Variants in GALNT10 observed in about 807,000 individuals in gnomAD.
GALNT10 encodes GalNAc transferase 10.
GALNT10 carries 41 observed loss-of-function variants against 75.0 expected under a neutral mutation model. That is an observed-to-expected ratio of 0.55 (90% CI 0.43 to 0.71). The LOEUF is 0.71. GALNT10 is among the 30% of genes least tolerant of loss of function. GALNT10 has a pLI of 0.00. For synonymous variants in GALNT10, 302 were observed against 313.0 expected (o/e 0.96, Z 0.37); for missense variants, 727 against 818.5 (o/e 0.89, Z 1.36).
intron 1 of GALNT10, among the ~76,000 whole-genome samples, chr5:154,212,103 G>A (rs931373922): frequency 1.3e-5 from 2 of 152,142 alleles, no homozygotes; most frequent in Admixed American, 6.5e-5. Flanking sequence ...CCCTCCAGAA[G>A]TTTACATCAT....
At position 154,298,070 on chromosome 5, in the gene GALNT10, G is replaced by A. The variant is rs756983564; in HGVS notation, c.392G>A (p.Arg131Gln). Residue 131 changes from arginine (R) to glutamine (Q), a missense_variant, in exon 3 of 12, where the codon CGG (arginine) becomes CAG (glutamine). Coordinates refer to ENST00000297107, the MANE Select transcript of GALNT10 (RefSeq NM_198321.4). This position sits in a 1 kb window ranked among gnomAD's most constrained non-coding sequence, Gnocchi z 4.1. The stretch of plus-strand genomic sequence containing the variant: ...TTGAATCGCTCTCTCCCAGATATCC[G>A]GCACCCAAAGTGAGTGTAACATCTC... The part of the protein sequence containing the change: ...ISLNRSLPDI[R>Q]HPNCNSKRYL... 11 of 1,612,132 alleles carry A rather than the reference G, an allele frequency of 6.8e-6. No homozygotes were observed. Among genetic ancestry groups the A allele is most frequent in the Admixed American group, 3.3e-5 (2 of 59,792 alleles).
intron 7 of GALNT10, among the ~76,000 whole-genome samples, chr5:154,390,469 C>A (rs1030814653): frequency 6.6e-5 from 10 of 152,340 alleles, no homozygotes; most frequent in Middle Eastern, 3.4e-3. Flanking sequence ...TAAAATACTA[C>A]GTTGGAGGAG....
rs1289585286 is a variant in GALNT10 at position 154,409,774 on chromosome 5, G to A, written c.1386+12G>A. ...CAGCTTGGGGGGAGGTGAGTCTGGA[G>A]GGCAGGGCTGGCTCCATAATTTAAT... On this transcript the variant is annotated intron_variant, in intron 9 of 11. Transcript: ENST00000297107. The surrounding 1 kb of genome is among the most constrained non-coding windows in gnomAD (Gnocchi z 4.5). 2 of 1,566,766 alleles carry A rather than the reference G, an allele frequency of 1.3e-6. No homozygotes were observed. Among genetic ancestry groups the A allele is most frequent in the Admixed American group, 1.7e-5 (1 of 59,954 alleles).
chr5:154,264,448 A>G (rs1194281043), intron 1 of GALNT10, among the ~76,000 whole-genome samples: 1 of 152,194 alleles, frequency 6.6e-6, no homozygotes, highest in African/African-American at 2.4e-5. Flanking sequence ...CGACAGATGC[A>G]TGCTGAAGTA....
intron 1 of GALNT10, among the ~76,000 whole-genome samples, chr5:154,230,634 G>T (rs1366751481): frequency 3.3e-5 from 5 of 152,224 alleles, no homozygotes; most frequent in African/African-American, 1.2e-4. Context: ...ACAGTTCTGT[G>T]CTTCTGAGAC....
chr5:154,243,485 G>A (rs7716550), intron 1 of GALNT10, among the ~76,000 whole-genome samples: 99,722 of 151,988 alleles, frequency 0.66, 33,041 homozygotes, highest in East Asian at 0.86. Flanking sequence ...CCAATATTAC[G>A]TAGTGGTTAA....
intron 1 of GALNT10, among the ~76,000 whole-genome samples, chr5:154,211,116 G>T (rs1775189478): frequency 6.6e-6 from 1 of 152,184 alleles, no homozygotes; most frequent in African/African-American, 2.4e-5. Flanking sequence ...GAATAAAAAT[G>T]AATAAATGAG....
intron 3 of GALNT10, among the ~76,000 whole-genome samples, chr5:154,326,561 G>A (rs1754760044): frequency 1.3e-5 from 2 of 152,172 alleles, no homozygotes; most frequent in Admixed American, 1.3e-4. Flanking sequence ...CTATTATTCA[G>A]CTATGAAAAA....
At chr5:154,285,017 A>G (rs887140978) in intron 1 of GALNT10, among the ~76,000 whole-genome samples, 1 of 152,224 alleles carries the variant, frequency 6.6e-6, no homozygotes, top group African/African-American at 2.4e-5. Flanking sequence ...ACCCTTGACA[A>G]TCGCTCATGG....
At chr5:154,380,093 G>T (rs1397599109) in intron 5 of GALNT10, among the ~76,000 whole-genome samples, 1 of 152,176 alleles carries the variant, frequency 6.6e-6, no homozygotes, top group Non-Finnish European at 1.5e-5. Context: ...TTCCATAGTG[G>T]TACTGATCAT....
At chr5:154,243,669 T>C (rs1753375198) in intron 1 of GALNT10, among the ~76,000 whole-genome samples, 1 of 152,238 alleles carries the variant, frequency 6.6e-6, no homozygotes, top group South Asian at 2.1e-4. Context: ...AAGTAGTTAA[T>C]AGAATTAATT....
chr5:154,386,617 G>A, intron 7 of GALNT10, 187 bp downstream of exon 7: 2 of 365,832 alleles, frequency 5.5e-6, no homozygotes, highest in Non-Finnish European at 1.1e-5. Context: ...GGGGGTGTGG[G>A]AGGGAAGGGG....
At chr5:154,257,616 T>A (rs925542098) in intron 1 of GALNT10, among the ~76,000 whole-genome samples, 3 of 150,438 alleles carry the variant, frequency 2.0e-5, no homozygotes, top group Non-Finnish European at 4.4e-5. Context: ...GAGGTTGCAG[T>A]GAGCCGAGAT....
At chr5:154,313,405 A>T (rs1754550871) in intron 3 of GALNT10, among the ~76,000 whole-genome samples, 1 of 152,162 alleles carries the variant, frequency 6.6e-6, no homozygotes, top group South Asian at 2.1e-4. Context: ...AAGGAAAAGA[A>T]AGCACAAACC....
At chr5:154,193,817 C>T (rs1160574268) in intron 1 of GALNT10, among the ~76,000 whole-genome samples, 1 of 152,218 alleles carries the variant, frequency 6.6e-6, no homozygotes, top group Non-Finnish European at 1.5e-5. Context: ...GAATGAAAGT[C>T]TACATAACTC....
chr5:154,302,035 A>T (rs1237008787), intron 3 of GALNT10, among the ~76,000 whole-genome samples: 1 of 152,204 alleles, frequency 6.6e-6, no homozygotes, highest in Non-Finnish European at 1.5e-5. Context: ...GAGTTGACAG[A>T]TGTCTCGAAG....
intron 4 of GALNT10, among the ~76,000 whole-genome samples, chr5:154,366,788 A>C (rs1755481356): frequency 6.6e-6 from 1 of 152,232 alleles, no homozygotes; most frequent in East Asian, 1.9e-4. Context: ...TGATCTATTG[A>C]GGTAAGCAAT....
intron 1 of GALNT10, among the ~76,000 whole-genome samples, chr5:154,272,907 C>T (rs1172921642): frequency 6.7e-6 from 1 of 149,112 alleles, no homozygotes; most frequent in East Asian, 2.0e-4. Context: ...GGGGCCAGAT[C>T]ATAGCTTACT....
chr5:154,248,992 G>A (rs965100244), intron 1 of GALNT10, among the ~76,000 whole-genome samples: 1 of 152,232 alleles, frequency 6.6e-6, no homozygotes, highest in Non-Finnish European at 1.5e-5. Context: ...GAATGGTTTT[G>A]AAAGAGCTCT....
Sources: gnomAD v4.1 joint callset for allele counts (sites outside exome capture counted in the v4.1 genomes callset) on GRCh38, gnomAD v4.1.1 for gene constraint, Gnocchi (gnomAD v3.1) non-coding constraint, MANE v1.5 for transcripts, NCBI Gene and HGNC (gene_info 2026-07-23, HGNC 2026-07-21) for gene names.